TRAPPC12: variants seen among roughly 807,000 people sequenced by gnomAD.
TRAPPC12 encodes TPR repeat protein 15.
TRAPPC12 carries 61 observed loss-of-function variants against 69.2 expected under a neutral mutation model. The ratio of observed to expected loss-of-function variants is 0.88; its 90% CI spans 0.72 to 1.09. The LOEUF (loss-of-function observed/expected upper bound fraction) is 1.09, where lower values mean the gene tolerates loss of function less well. Ranked by LOEUF, TRAPPC12 falls within the 50% of genes least tolerant of loss-of-function variation. TRAPPC12 has a pLI of 0.00. For synonymous variants in TRAPPC12, 469 were observed against 438.9 expected, an observed-to-expected ratio of 1.07 and a Z score of -0.86; for missense variants, 1,101 against 1,016.4, an observed-to-expected ratio of 1.08 and a Z score of -1.13.
At chr2:3,388,710 C>T (rs1446170913) in intron 2 of TRAPPC12, 40 bp downstream of exon 2, 2 of 1,486,910 alleles carry the variant, frequency 1.3e-6, no homozygotes, top group Non-Finnish European at 9.0e-7. Flanking sequence ...CGTGCCTCCT[C>T]TCTGCGTCTG....
intron 9 of TRAPPC12, among the ~76,000 whole-genome samples, chr2:3,472,217 A>G (rs1666089707): frequency 6.6e-6 from 1 of 152,158 alleles, no homozygotes; most frequent in African/African-American, 2.4e-5. Flanking sequence ...CTGAGGTGGA[A>G]GAAGGGAAGG....
intron 6 of TRAPPC12, chr2:3,455,024 GA>G (rs1360789428): frequency 5.2e-5 from 8 of 152,402 alleles, no homozygotes; most frequent in African/African-American, 1.7e-4. Context: ...GTGGTGTGCG[GA>G]GGCGCAGAAC....
chr2:3,418,620 C>T lies in TRAPPC12; in HGVS notation c.1165-3261C>T, dbSNP rs182817001. On this transcript the variant is annotated intron_variant, in intron 3 of 11. Transcript: ENST00000324266. The stretch of plus-strand genomic sequence containing the variant: ...CCATGGTAGCACAGAACCTTATCAC[C>T]GTGCAGGTGCACACGAGGCTGGGCT... Among the ~76,000 whole-genome samples, 367 of 152,350 alleles carry T rather than the reference C, an allele frequency of 2.4e-3. 1 individual carries two copies. The highest frequency in any genetic ancestry group is 8.6e-3 in the African/African-American group (359 of 41,586).
chr2:3,422,083 A>T (rs1662831185), intron 4 of TRAPPC12, 89 bp downstream of exon 4: 1 of 967,616 alleles, frequency 1.0e-6, no homozygotes, highest in East Asian at 2.7e-5. Flanking sequence ...TGCCAATAAC[A>T]AAAAGTATGT....
rs550533588 is a variant in TRAPPC12 at position 3,427,477 on chromosome 2, C to T, written c.1417+2814C>T. ...TCTGGTTTCTTTTCCTACTGAGGTCCGTGTGAATTATAGATTCAAAATGAC... is the reference window on the plus strand; with the variant it reads ...TCTGGTTTCTTTTCCTACTGAGGTCTGTGTGAATTATAGATTCAAAATGAC... On this transcript the variant is annotated intron_variant, in intron 5 of 11. Coordinates refer to ENST00000324266, the MANE Select transcript of TRAPPC12 (RefSeq NM_016030.6). Among the ~76,000 whole-genome samples the T allele has an allele frequency of 2.6e-5, 4 of 152,200 alleles. No individual in the cohort carries two copies. In the South Asian group the frequency reaches 6.2e-4, roughly 24 times the overall value.
intron 3 of TRAPPC12, among the ~76,000 whole-genome samples, chr2:3,412,048 GTTAA>G (rs1662094000): frequency 6.6e-6 from 1 of 152,206 alleles, no homozygotes; most frequent in East Asian, 1.9e-4. Flanking sequence ...TACTAGTGTG[GTTAA>G]TTAAGCATTA....
chr2:3,383,454 C>A (rs989578681), intron 1 of TRAPPC12, among the ~76,000 whole-genome samples: 7 of 145,120 alleles, frequency 4.8e-5, no homozygotes, highest in South Asian at 4.9e-4. Context: ...GCTGGAATGT[C>A]GTGCCTCAAT....
At chr2:3,455,368 C>T (rs948365260) in intron 6 of TRAPPC12, 1 of 152,284 alleles carries the variant, frequency 6.6e-6, no homozygotes, top group East Asian at 1.9e-4. Context: ...TGTGTTGCAA[C>T]AATCCAATTA....
chr2:3,459,862 G>A, intron 7 of TRAPPC12: 2 of 326,386 alleles, frequency 6.1e-6, no homozygotes, highest in South Asian at 4.9e-5. Context: ...AACTGCGAGA[G>A]GCTGGCGGCC....
At chr2:3,458,394 C>T (rs1363969167) in intron 7 of TRAPPC12, 22 of 985,788 alleles carry the variant, frequency 2.2e-5, no homozygotes, top group Non-Finnish European at 2.5e-5. Context: ...TCATCTCCTC[C>T]TTCCCACAGC....
chr2:3,444,110 C>A (rs1230019831), intron 6 of TRAPPC12, among the ~76,000 whole-genome samples: 1 of 152,158 alleles, frequency 6.6e-6, no homozygotes, highest in Non-Finnish European at 1.5e-5. Flanking sequence ...GAGCTTGAGT[C>A]CTGTAATTCT....
In TRAPPC12 at chr2:3,388,148, C is replaced by G. The variant is rs1388982223; in HGVS notation, c.525C>G (p.Phe175Leu). The G allele has an allele frequency of 2.5e-6, 4 of 1,601,702 alleles. No individual in the cohort carries two copies. The highest frequency in any genetic ancestry group is 3.4e-6 in the Non-Finnish European group (4 of 1,175,514). The part of the protein sequence containing the change: ...QRAPPASGDG[F>L]EPQMVKSPSF... ...CGCCCCCAGCCTCCGGGGACGGCTT[C>G]GAGCCGCAGATGGTGAAGTCGCCCA... is the stretch of plus-strand genomic sequence containing the variant. The change falls in exon 2 of 12, where the codon TTC (phenylalanine) becomes TTG (leucine). Residue 175 changes from phenylalanine (F) to leucine (L), a missense_variant. Transcript: ENST00000324266.
chr2:3,433,951 A>T (rs1663610595), intron 5 of TRAPPC12, among the ~76,000 whole-genome samples: 2 of 152,026 alleles, frequency 1.3e-5, no homozygotes. Context: ...CTGGTGTGGA[A>T]GCCTTGCATA....
intron 1 of TRAPPC12, among the ~76,000 whole-genome samples, chr2:3,382,671 T>C (rs1660271586): frequency 6.6e-6 from 1 of 152,208 alleles, no homozygotes; most frequent in South Asian, 2.1e-4. Flanking sequence ...ACGCCTGTAA[T>C]CTCAGCACTT....
rs968218303 is a variant in TRAPPC12, at chr2:3,479,024, C to T, written c.1965+91C>T. On this transcript the variant is annotated intron_variant, in intron 11 of 11. Transcript: ENST00000324266. Reference sequence around the variant, plus strand: ...ACACACGTCTCAGCAGGGGCCTGCGCTCTCTCTCTCCAGTCCACCAGCTCC... The same window carrying T: ...ACACACGTCTCAGCAGGGGCCTGCGTTCTCTCTCTCCAGTCCACCAGCTCC... The T allele has an allele frequency of 1.0e-5, 15 of 1,467,306 alleles. 1 individual carries two copies. The highest frequency in any genetic ancestry group is 9.7e-5 in the African/African-American group (7 of 72,072). 90.9% of individuals were successfully genotyped at this position (1,467,306 alleles called of 1,614,324 possible).
At chr2:3,475,893 G>A (rs373179652) in intron 9 of TRAPPC12, among the ~76,000 whole-genome samples, 35 of 152,348 alleles carry the variant, frequency 2.3e-4, no homozygotes, top group African/African-American at 8.2e-4. Flanking sequence ...CGCTTGCCAC[G>A]GCCGCCGGCA....
At chr2:3,471,966 G>A (rs1666080341) in intron 9 of TRAPPC12, among the ~76,000 whole-genome samples, 1 of 152,160 alleles carries the variant, frequency 6.6e-6, no homozygotes, top group African/African-American at 2.4e-5. Flanking sequence ...AGTGTCTGTG[G>A]CCAGTCCTAG....
chr2:3,389,043 C>A, intron 2 of TRAPPC12: 1 of 182,508 alleles, frequency 5.5e-6, no homozygotes, highest in Non-Finnish European at 1.1e-5. Context: ...ATAATGTGCC[C>A]GATGTAGAAT....
intron 2 of TRAPPC12, among the ~76,000 whole-genome samples, chr2:3,398,324 A>T (rs115483749): frequency 1.4e-4 from 22 of 152,128 alleles, no homozygotes; most frequent in Non-Finnish European, 3.1e-4. Context: ...CTCCCCACCA[A>T]TGATGTGGTG....
Sources: gnomAD v4.1 joint callset for allele counts (sites outside exome capture counted in the v4.1 genomes callset) on GRCh38, gnomAD v4.1.1 for gene constraint, MANE v1.5 for transcripts, NCBI Gene and HGNC (gene_info 2026-07-23, HGNC 2026-07-21) for gene names.